The following GANC variants were observed in gnomAD, a reference collection of about 807,000 sequenced individuals.
The protein encoded by GANC is glucosidase alpha, neutral C, also known as neutral alpha-glucosidase C.
GANC carries 117 observed loss-of-function variants against 124.2 expected under a neutral mutation model. That is an observed-to-expected ratio of 0.94 (90% CI 0.81 to 1.10). The LOEUF (loss-of-function observed/expected upper bound fraction) is 1.10, where lower values mean the gene tolerates loss of function less well. GANC is among the 50% of genes least tolerant of loss of function. The pLI is 0.00. For missense variants in GANC, 1,140 were observed against 1,095.0 expected (o/e 1.04, Z -0.58); for synonymous variants, 377 against 376.8 (o/e 1.00, Z -0.01).
chr15:42,340,671 A>AT lies in GANC; in HGVS notation c.2088-11dup, dbSNP rs769635501. 53 of 1,567,306 alleles carry AT rather than the reference A, an allele frequency of 3.4e-5. No homozygotes were observed. The highest frequency in any genetic ancestry group is 2.1e-4 in the South Asian group (18 of 85,330). ...AGATGTCTATAATGTTAAAACAATAATTTTTTTTCTTTCCCCAGGCCTCTG... is the reference window on the plus strand; with the variant it reads ...AGATGTCTATAATGTTAAAACAATAATTTTTTTTTCTTTCCCCAGGCCTCTG... On this transcript the variant is annotated intron_variant, in intron 17 of 23. Transcript: ENST00000318010.
At chr15:42,287,400 C>T (rs1005115098) in intron 3 of GANC, among the ~76,000 whole-genome samples, 2 of 152,180 alleles carry the variant, frequency 1.3e-5, no homozygotes, top group Non-Finnish European at 2.9e-5. Context: ...TTATGCCTGT[C>T]TTTCAGTGTA....
At chr15:42,340,601 T>TAAAAAAAA in intron 17 of GANC, 89 bp from the exon 18 acceptor site, 1 of 795,278 alleles carries the variant, frequency 1.3e-6, no homozygotes, top group Non-Finnish European at 1.9e-6. Context: ...GAGATCCATC[T>TAAAAAAAA]AAAAAAAAAA....
At chr15:42,283,818 A>G (rs1157383466) in intron 3 of GANC, 3 of 702,496 alleles carry the variant, frequency 4.3e-6, no homozygotes, top group Non-Finnish European at 5.2e-6. Context: ...ATGGCCAGGA[A>G]CAGGCAGCTA....
At position 42,273,374 on chromosome 15, in the gene GANC, C is replaced by T. The variant is rs572735519; in HGVS notation, c.-1108C>T. The T allele has an allele frequency of 3.1e-6, 5 of 1,614,054 alleles. No homozygotes were observed. The African/African-American group carries it at 4.0e-5, about 13-fold the overall frequency. ...AGAAGCAGAAGAATGACAGGCAACA[C>T]CTGAAGCCACGCAGCCGCCGCCATC... is the stretch of plus-strand genomic sequence containing the variant. On this transcript the variant is annotated 5_prime_UTR_variant, in exon 1 of 24. Coordinates refer to ENST00000318010, the MANE Select transcript of GANC (RefSeq NM_198141.3).
intron 6 of GANC, among the ~76,000 whole-genome samples, chr15:42,306,189 G>A (rs2051993795): frequency 6.6e-6 from 1 of 152,040 alleles, no homozygotes; most frequent in Non-Finnish European, 1.5e-5. Flanking sequence ...ACCACACCCG[G>A]CTAATTTTTG....
Position 42,287,648 on chromosome 15 carries a change from C to T in GANC, c.202-43C>T, listed in dbSNP as rs1196135826. 10 of 1,582,602 alleles carry T rather than the reference C, an allele frequency of 6.3e-6. No homozygotes were observed. The African/African-American group carries it at 1.1e-4, about 17-fold the overall frequency. ...GTAATTGGTGCAAAATTGGCCATCA[C>T]TTGGGTAACCTGTTGAAGGTAATCT... On this transcript the variant is annotated intron_variant, in intron 3 of 23. Transcript: ENST00000318010.
intron 17 of GANC, among the ~76,000 whole-genome samples, 185 bp from the exon 18 acceptor site, chr15:42,340,505 G>A (rs184828572): frequency 1.9e-3 from 285 of 151,758 alleles, no homozygotes; most frequent in African/African-American, 6.5e-3. Flanking sequence ...TTGGGAGACC[G>A]AGGCAGGAGA....
At position 42,349,419 on chromosome 15, in the gene GANC, C is replaced by T. The variant is rs777322439; in HGVS notation, c.2455C>T (p.His819Tyr). 6.2e-7 allele frequency: 1 copy of T among 1,613,386 alleles called. No homozygotes were observed. Among genetic ancestry groups the T allele is most frequent in the South Asian group, 1.1e-5 (1 of 91,054 alleles). ...SVGELYLDDG[H>Y]SFQYLHQKQF... ...GGGTGAGTTATATCTTGATGATGGCCATTCATTCCAATACCTCCACCAGAA... is the reference window on the plus strand; with the variant it reads ...GGGTGAGTTATATCTTGATGATGGCTATTCATTCCAATACCTCCACCAGAA... The change falls in exon 22 of 24, where the codon CAT becomes TAT. Residue 819 changes from histidine to tyrosine, a missense_variant. By Grantham distance (83) the His-to-Tyr change is moderately conservative. Transcript: ENST00000318010.
chr15:42,344,561 A>T (rs748503902), intron 19 of GANC: 66 of 152,324 alleles, frequency 4.3e-4, no homozygotes, highest in Admixed American at 2.8e-3. Flanking sequence ...ACGTGAGTAC[A>T]TCTTTTTGAG....
Position 42,321,947 on chromosome 15 carries a change from A to G in GANC, c.1220A>G (p.Tyr407Cys). ...LDIEHTEGKRYFTWDKNRFPN... is the reference protein window; with the variant it reads ...LDIEHTEGKRCFTWDKNRFPN... The stretch of plus-strand genomic sequence containing the variant: ...ATAGAGCACACTGAGGGCAAGAGGT[A>G]CTTCACCTGGGACAAAAACAGATTC... Residue 407 changes from tyrosine to cysteine, a missense_variant, in exon 11 of 24, where the codon TAC (tyrosine) becomes TGC (cysteine). Transcript: ENST00000318010. 3 of 1,614,192 alleles carry G rather than the reference A, an allele frequency of 1.9e-6. No homozygotes were observed. Among genetic ancestry groups the G allele is most frequent in the Non-Finnish European group, 2.5e-6 (3 of 1,180,020 alleles).
At chr15:42,276,826 A>AT (rs1305293371) in intron 2 of GANC, among the ~76,000 whole-genome samples, 1 of 151,900 alleles carries the variant, frequency 6.6e-6, no homozygotes, top group Non-Finnish European at 1.5e-5. Context: ...AAATACATGT[A>AT]TTTTTATATT....
chr15:42,282,826 A>T (rs951701012), intron 3 of GANC, among the ~76,000 whole-genome samples: 1 of 152,214 alleles, frequency 6.6e-6, no homozygotes, highest in African/African-American at 2.4e-5. Context: ...TGAAGGCTGT[A>T]AATTCCAAGA....
chr15:42,297,641 A>G lies in GANC; in HGVS notation c.543A>G (p.Ser181=). The G allele has an allele frequency of 4.3e-6, 7 of 1,611,514 alleles. No homozygotes were observed. Among genetic ancestry groups the G allele is most frequent in the Non-Finnish European group, 5.1e-6 (6 of 1,178,050 alleles). ...CTAAAGAAAATGAGGAGGAGACATCAGTGGACACCTCTCAGGTAATCTAGA... is the reference window on the plus strand; with the variant it reads ...CTAAAGAAAATGAGGAGGAGACATCGGTGGACACCTCTCAGGTAATCTAGA... The part of the protein sequence containing the change: ...RAAKENEEET[S]VDTSQENQED... Residue 181 remains serine (S), a synonymous_variant, in exon 6 of 24, where the codon TCA becomes TCG. Transcript: ENST00000318010.
rs750528339 is a variant in GANC at position 42,326,412 on chromosome 15, G to T, written c.1408G>T (p.Val470Leu). The T allele has an allele frequency of 1.2e-6, 2 of 1,613,934 alleles. No homozygotes were observed. Among genetic ancestry groups the T allele is most frequent in the African/African-American group, 1.3e-5 (1 of 75,012 alleles). Residue 470 changes from valine to leucine, a missense_variant, in exon 12 of 24, where the codon GTG (valine) becomes TTG (leucine). Coordinates refer to ENST00000318010, the MANE Select transcript of GANC (RefSeq NM_198141.3). ...KNQEGEDFEG[V>L]CWPGLSSYLD... ...TCAGGAAGGGGAAGACTTTGAAGGG[G>T]TGTGTTGGCCAGGTATGAAATCACT...
At chr15:42,347,191 A>T in intron 20 of GANC, among the ~76,000 whole-genome samples, 1 of 123,752 alleles carries the variant, frequency 8.1e-6, no homozygotes, top group African/African-American at 3.2e-5. Context: ...AAAAAAAAAA[A>T]GAAGAGAGAG....
intron 1 of GANC, among the ~76,000 whole-genome samples, chr15:42,275,437 A>T (rs1407531130): frequency 6.6e-6 from 1 of 152,182 alleles, no homozygotes; most frequent in African/African-American, 2.4e-5. Context: ...AAGGACAAAC[A>T]GTTTTTTAGT....
chr15:42,287,350 C>G (rs758523501), intron 3 of GANC, among the ~76,000 whole-genome samples: 11 of 152,184 alleles, frequency 7.2e-5, no homozygotes, highest in Non-Finnish European at 1.2e-4. Context: ...ATCATAGATA[C>G]AGTAGCCACA....
intron 3 of GANC, chr15:42,284,380 G>A (rs1261432151): frequency 3.4e-5 from 6 of 177,188 alleles, no homozygotes; most frequent in East Asian, 1.5e-4. Context: ...TGGTATTTTC[G>A]CCTATATGGC....
chr15:42,292,938 A>T, intron 5 of GANC, 21 bp downstream of exon 5: 1 of 1,603,812 alleles, frequency 6.2e-7, no homozygotes, highest in East Asian at 2.2e-5. Flanking sequence ...GCATTACTTG[A>T]CACATAAAGA....
Sources: allele counts gnomAD v4.1 joint callset (sites outside exome capture counted in the v4.1 genomes callset), GRCh38; gene constraint gnomAD v4.1.1; transcripts MANE v1.5; gene names NCBI Gene and HGNC (gene_info 2026-07-23, HGNC 2026-07-21).